FRMD1: variants seen among roughly 807,000 people sequenced by gnomAD.
FRMD1 encodes the protein FERM domain containing 1, also known as FERM domain-containing protein 1.
Under a neutral mutation model 54.9 loss-of-function variants are expected in FRMD1, and 51 were observed. The observed-to-expected ratio is 0.93, with a 90% CI of 0.74 to 1.17. The LOEUF (loss-of-function observed/expected upper bound fraction) is 1.17. FRMD1 is among the 50% of genes most tolerant of loss of function. The pLI is 0.00. For missense variants in FRMD1, 729 were observed against 743.0 expected (o/e 0.98, Z 0.22); for synonymous variants, 324 against 306.4 (o/e 1.06, Z -0.60).
Position 168,067,464 on chromosome 6 carries a change from G to A in FRMD1, c.305-18C>T, listed in dbSNP as rs1800099677. ...CTCATTGTCTGAAAGCAAAACAAAA[G>A]GCTTCATCAGAGCAGTCACCATGCT... On this transcript the variant is annotated intron_variant, in intron 2 of 10. Transcript: ENST00000283309. The A allele has an allele frequency of 5.3e-6, 8 of 1,522,442 alleles. No homozygotes were observed. In the Admixed American group the frequency reaches 1.0e-4, roughly 20 times the overall value. The allele number at this position is 1,522,442 out of a possible 1,614,324, so 94.3% of individuals were successfully genotyped here.
rs368201828 is a variant in FRMD1, at chr6:168,066,888, T to A, written c.385-57A>T. 5.9e-5 allele frequency: 94 copies of A among 1,595,684 alleles called. No homozygotes were observed. The African/African-American group carries it at 1.1e-3, about 18-fold the overall frequency. On this transcript the variant is annotated intron_variant, in intron 3 of 10. Coordinates refer to ENST00000283309, the MANE Select transcript of FRMD1 (RefSeq NM_024919.6). ...AGCCGCAGGGAGGTGCCGCTGGCTG[T>A]CCTGTCTTCCCAGTTGGGGGGGCCT...
chr6:168,087,601 C>T (rs1025112056), intron 1 of FRMD1, among the ~76,000 whole-genome samples: 7 of 152,238 alleles, frequency 4.6e-5, no homozygotes, highest in African/African-American at 1.7e-4. Flanking sequence ...CCACTCAGAG[C>T]TCTGACCTGC....
At chr6:168,075,512 C>G (rs573012750) in intron 1 of FRMD1, among the ~76,000 whole-genome samples, 177 bp from the exon 2 acceptor site, 3 of 152,174 alleles carry the variant, frequency 2.0e-5, no homozygotes, top group East Asian at 3.9e-4. Context: ...GCATGCCCAT[C>G]AGAGCACCTG....
rs1427282549 is a variant in FRMD1, at chr6:168,057,211, G to T, written c.1536C>A (p.Asp512Glu). The T allele has an allele frequency of 1.9e-6, 3 of 1,608,054 alleles. No homozygotes were observed. The highest frequency in any genetic ancestry group is 1.7e-5 in the Admixed American group (1 of 59,504). ...SLSHTFHRAL[D>E]CRLAGPCETR... ...TCTCGCAGGGGCCTGCCAGCCTGCA[G>T]TCCAGGGCGCGGTGGAAGGTATGGC... Residue 512 changes from aspartate (D) to glutamate (E), a missense_variant, in exon 11 of 11, where the codon GAC becomes GAA. Asp to Glu is a conservative substitution (Grantham distance 45, BLOSUM62 2). Coordinates refer to ENST00000283309, the MANE Select transcript of FRMD1 (RefSeq NM_024919.6).
chr6:168,087,198 C>G (rs1252006580), intron 1 of FRMD1, among the ~76,000 whole-genome samples: 1 of 152,162 alleles, frequency 6.6e-6, no homozygotes, highest in East Asian at 1.9e-4. Context: ...CCCTGAGCAG[C>G]TGGGACCACA....
chr6:168,084,612 G>T (rs1448279932), upstream of FRMD1, among the ~76,000 whole-genome samples: 1 of 152,214 alleles, frequency 6.6e-6, no homozygotes, highest in Non-Finnish European at 1.5e-5. Flanking sequence ...TCCCTGTGCT[G>T]CTCCCAAACA....
chr6:168,089,957 G>T (rs1479854895), intron 1 of FRMD1, among the ~76,000 whole-genome samples: 1 of 152,292 alleles, frequency 6.6e-6, no homozygotes, highest in Non-Finnish European at 1.5e-5. Flanking sequence ...GGCAGGAAAA[G>T]CAGCTGCTCA....
At chr6:168,082,327 G>C (rs1034798715), upstream of FRMD1, among the ~76,000 whole-genome samples, 1 of 152,210 alleles carries the variant, frequency 6.6e-6, no homozygotes, top group Non-Finnish European at 1.5e-5. Flanking sequence ...GCCAGCCGGG[G>C]TCTTGCTCCA....
At position 168,078,873 on chromosome 6, in the gene FRMD1, C is replaced by T. The variant is rs752902585; in HGVS notation, c.213+9G>A. ...GTTTACCCCCACGGCCACCCAGGGC[C>T]CTGCTCACCCCCACGGCCAGCCGCA... On this transcript the variant is annotated intron_variant, in intron 1 of 10. Coordinates refer to ENST00000283309, the MANE Select transcript of FRMD1 (RefSeq NM_024919.6). 8.3e-6 allele frequency: 13 copies of T among 1,573,314 alleles called. No individual in the cohort carries two copies. Among genetic ancestry groups the T allele is most frequent in the East Asian group, 2.3e-5 (1 of 44,264 alleles).
rs1467477562 is a variant in FRMD1 at position 168,059,724 on chromosome 6, A to C, written c.1343-536T>G. ...CGTCCCCTTTCTGGGGCAATGAGGA[A>C]GCTCTTCAGGGCCTCATACACAGGG... On this transcript the variant is annotated intron_variant, in intron 9 of 10. Transcript: ENST00000283309. The surrounding 1 kb of genome is among the most constrained non-coding windows in gnomAD (Gnocchi z 4.4). Among the ~76,000 whole-genome samples the C allele has an allele frequency of 6.6e-6, 1 of 152,060 alleles. No homozygotes were observed. Among genetic ancestry groups the C allele is most frequent in the Non-Finnish European group, 1.5e-5 (1 of 68,016 alleles).
Position 168,056,571 on chromosome 6 carries a change from C to A in FRMD1, c.*526G>T, listed in dbSNP as rs1443013321. ...AGGGGCCTCTGTCTGGCAGGCCCAG[C>A]GCTTGCAAACAGGAGTTGCAGAGAG... On this transcript the variant is annotated 3_prime_UTR_variant, in exon 11 of 11. Transcript: ENST00000283309. The A allele has an allele frequency of 6.6e-6, 1 of 152,452 alleles. No homozygotes were observed. Among genetic ancestry groups the A allele is most frequent in the Non-Finnish European group, 1.5e-5 (1 of 68,228 alleles). The allele number at this position is 152,452 out of a possible 1,614,324, so 9.4% of individuals were successfully genotyped here. A position where few individuals can be genotyped will look rare whatever the true frequency, so the allele number is the denominator to read the frequency against.
At position 168,078,799 on chromosome 6, in the gene FRMD1, C is replaced by T. The variant is rs367725793; in HGVS notation, c.213+83G>A. 1,167 of 1,142,114 alleles carry T rather than the reference C, an allele frequency of 1.0e-3. 21 individuals carry two copies. In the African/African-American group the frequency reaches 0.011, roughly 11 times the overall value. 70.7% of individuals were successfully genotyped at this position (1,142,114 alleles called of 1,614,324 possible). ...GCTCACCCCCACGGCCACCCAGGGCCCTGCTCACCCCCACGGCCACCCGGA... is the reference window on the plus strand; with the variant it reads ...GCTCACCCCCACGGCCACCCAGGGCTCTGCTCACCCCCACGGCCACCCGGA... On this transcript the variant is annotated intron_variant, in intron 1 of 10. Coordinates refer to ENST00000283309, the MANE Select transcript of FRMD1 (RefSeq NM_024919.6).
chr6:168,063,818 C>A, intron 5 of FRMD1, 62 bp from the exon 6 acceptor site: 1 of 1,508,906 alleles, frequency 6.6e-7, no homozygotes, highest in Non-Finnish European at 8.9e-7. Context: ...TCCTTGCCAG[C>A]CCCCTGCTCC....
chr6:168,078,572 T>TCACGGCTCTGCTCACCCC (rs1562430102), intron 1 of FRMD1, among the ~76,000 whole-genome samples: 1 of 12,510 alleles, frequency 8.0e-5, no homozygotes, highest in African/African-American at 3.3e-4. Flanking sequence ...CTGCTCACCC[T>TCACGGCTCTGCTCACCCC]CACAGCCCTG....
chr6:168,065,095 T>C, intron 4 of FRMD1, 38 bp from the exon 5 acceptor site: 1 of 1,567,912 alleles, frequency 6.4e-7, no homozygotes. Flanking sequence ...GGACGACCGG[T>C]GTGGGGACTG....
intron 2 of FRMD1, among the ~76,000 whole-genome samples, chr6:168,070,140 A>G (rs1315876298): frequency 6.6e-6 from 1 of 151,854 alleles, no homozygotes; most frequent in African/African-American, 2.4e-5. Flanking sequence ...CAGAGGATCC[A>G]CCTGAGCCAT....
intron 2 of FRMD1, among the ~76,000 whole-genome samples, chr6:168,068,659 G>A (rs1028915064): frequency 8.5e-5 from 13 of 152,298 alleles, no homozygotes; most frequent in East Asian, 1.9e-4. Flanking sequence ...TGCGGAACCC[G>A]TGGATACAGA....
In FRMD1 at chr6:168,088,431, CT is replaced by C. The variant is rs549193178; in HGVS notation, c.-11-9408del. ...CTGCTACTGCTGCCTCAGCTCTGGACTTTTCCCCTCCACCCAGAGGGCAGAT... is the reference window on the plus strand; with the variant it reads ...CTGCTACTGCTGCCTCAGCTCTGGACTTTCCCCTCCACCCAGAGGGCAGAT... On this transcript the variant is annotated intron_variant, in intron 1 of 12. Coordinates refer to the FRMD1 transcript ENST00000644440. Among the ~76,000 whole-genome samples the C allele has an allele frequency of 5.3e-5, 8 of 152,306 alleles. No individual in the cohort carries two copies. The South Asian group carries it at 1.5e-3, about 28-fold the overall frequency.
upstream of FRMD1, chr6:168,081,211 A>G: frequency 1.4e-6 from 1 of 726,112 alleles, no homozygotes; most frequent in Non-Finnish European, 2.0e-6. Context: ...CTCCAAGGCA[A>G]GGGTGGTCGC....
Sources: allele counts gnomAD v4.1 joint callset (sites outside exome capture counted in the v4.1 genomes callset), GRCh38; gene constraint gnomAD v4.1.1; non-coding constraint Gnocchi (gnomAD v3.1); transcripts MANE v1.5; gene names NCBI Gene and HGNC (gene_info 2026-07-23, HGNC 2026-07-21).